Variants in CAMKMT observed in about 807,000 individuals in gnomAD.
CAMKMT encodes CaM KMT.
A neutral mutation model predicts 48.0 loss-of-function variants in CAMKMT; 53 were observed. The observed-to-expected ratio is 1.10, with a 90% CI of 0.89 to 1.39. The LOEUF is 1.39. Among genes scored for constraint, CAMKMT ranks in the 40% most tolerant of loss-of-function variants. CAMKMT has a pLI of 0.00. For missense variants in CAMKMT, 428 were observed against 402.7 expected (o/e 1.06, Z -0.54); for synonymous variants, 165 against 152.3 (o/e 1.08, Z -0.61).
chr2:44,472,299 C>T (rs1204565414), intron 3 of CAMKMT, among the ~76,000 whole-genome samples: 2 of 151,996 alleles, frequency 1.3e-5, no homozygotes, highest in Non-Finnish European at 2.9e-5. Flanking sequence ...ATTAAATGGG[C>T]AATTCTTTTT....
rs201528910 is a variant in CAMKMT at position 44,418,296 on chromosome 2, T to TA, written c.376+27998dup. Reference sequence around the variant, plus strand: ...TATTTCCTCCTTTGTGTATCCTGTTTAAAAAAATCTATGAATTTTTTTTTT... The same window carrying TA: ...TATTTCCTCCTTTGTGTATCCTGTTTAAAAAAAATCTATGAATTTTTTTTTT... On this transcript the variant is annotated intron_variant, in intron 3 of 10. Transcript: ENST00000378494. Among the ~76,000 whole-genome samples, 266 of 152,200 alleles carry TA rather than the reference T, an allele frequency of 1.7e-3. No individual in the cohort carries two copies. In the Middle Eastern group the frequency reaches 0.027, roughly 16 times the overall value.
At chr2:44,629,257 C>T (rs774200502) in intron 3 of CAMKMT, among the ~76,000 whole-genome samples, 5 of 151,920 alleles carry the variant, frequency 3.3e-5, no homozygotes, top group East Asian at 1.9e-4. Flanking sequence ...TTGACTCCTA[C>T]GTCTTTATGA....
chr2:44,385,976 A>T (rs1208912150), intron 2 of CAMKMT, among the ~76,000 whole-genome samples: 3 of 152,100 alleles, frequency 2.0e-5, no homozygotes, highest in Admixed American at 6.5e-5. Flanking sequence ...TATTAGAGTG[A>T]TGCTGGCTTC....
At chr2:44,523,642 C>G (rs1671242287) in intron 3 of CAMKMT, among the ~76,000 whole-genome samples, 1 of 151,936 alleles carries the variant, frequency 6.6e-6, no homozygotes, top group Non-Finnish European at 1.5e-5. Context: ...TGTCTGGTAA[C>G]TGAGCTAGGA....
chr2:44,646,949 G>A (rs1187886763), intron 3 of CAMKMT, among the ~76,000 whole-genome samples: 1 of 152,208 alleles, frequency 6.6e-6, no homozygotes, highest in Non-Finnish European at 1.5e-5. Context: ...GATATGAAAA[G>A]GCTATTAGGG....
Position 44,606,699 on chromosome 2 carries a change from G to C in CAMKMT, c.377-97584G>C, listed in dbSNP as rs552192829. Among the ~76,000 whole-genome samples, 3 of 152,012 alleles carry C rather than the reference G, an allele frequency of 2.0e-5. No homozygotes were observed. The East Asian group carries it at 5.8e-4, about 29-fold the overall frequency. On this transcript the variant is annotated intron_variant, in intron 3 of 10. Transcript: ENST00000378494. Reference sequence around the variant, plus strand: ...AAAGGTGAATCCCCAAACTTAAAAAGTCATCCAATTCAATGTTCTACCCTT... The same window carrying C: ...AAAGGTGAATCCCCAAACTTAAAAACTCATCCAATTCAATGTTCTACCCTT...
intron 3 of CAMKMT, among the ~76,000 whole-genome samples, chr2:44,583,745 A>C (rs536384794): frequency 7.9e-5 from 12 of 152,226 alleles, no homozygotes; most frequent in Admixed American, 5.2e-4. Context: ...GCAGTGAGCT[A>C]TGTTTGAGCC....
At position 44,692,630 on chromosome 2, in the gene CAMKMT, A is replaced by G. The variant is rs1676725476; in HGVS notation, c.377-11653A>G. Among the ~76,000 whole-genome samples, 4 of 152,168 alleles carry G rather than the reference A, an allele frequency of 2.6e-5. No homozygotes were observed. In the South Asian group the frequency reaches 8.3e-4, roughly 32 times the overall value. Reference sequence around the variant, plus strand: ...TATGTTGCATGAATAAATGAGGCTTAAAAAGTTTAAATACCTTGCCCAAGA... The same window carrying G: ...TATGTTGCATGAATAAATGAGGCTTGAAAAGTTTAAATACCTTGCCCAAGA... On this transcript the variant is annotated intron_variant, in intron 3 of 10. Transcript: ENST00000378494.
chr2:44,643,419 G>T (rs1359332288), intron 3 of CAMKMT, among the ~76,000 whole-genome samples: 1 of 152,128 alleles, frequency 6.6e-6, no homozygotes, highest in Non-Finnish European at 1.5e-5. Flanking sequence ...CAAATGAATG[G>T]AATATTGTGA....
intron 3 of CAMKMT, chr2:44,549,605 C>A: frequency 1.5e-6 from 1 of 685,094 alleles, no homozygotes; most frequent in Non-Finnish European, 2.6e-6. Context: ...GTGATCATAA[C>A]TCAGTGCAGC....
intron 3 of CAMKMT, among the ~76,000 whole-genome samples, chr2:44,642,338 T>G (rs1673492934): frequency 6.6e-6 from 1 of 152,126 alleles, no homozygotes; most frequent in Admixed American, 6.5e-5. Flanking sequence ...GCTCATCTGG[T>G]AGAAAGAAAT....
intron 3 of CAMKMT, among the ~76,000 whole-genome samples, chr2:44,594,967 AAAC>A (rs1190785947): frequency 6.6e-6 from 1 of 152,172 alleles, no homozygotes; most frequent in African/African-American, 2.4e-5. Context: ...TACAAGAAAA[AAAC>A]AACCCCATCA....
At chr2:44,702,642 C>G (rs1468419712) in intron 3 of CAMKMT, among the ~76,000 whole-genome samples, 1 of 152,184 alleles carries the variant, frequency 6.6e-6, no homozygotes. Context: ...TATCTGTGAT[C>G]TTAACTGCCA....
chr2:44,547,844 T>C (rs1667488851), intron 3 of CAMKMT, among the ~76,000 whole-genome samples: 2 of 152,304 alleles, frequency 1.3e-5, no homozygotes, highest in South Asian at 2.1e-4. Flanking sequence ...TGGTTAATTA[T>C]AATGCAAAAG....
At chr2:44,432,375 G>C (rs918659196) in intron 3 of CAMKMT, among the ~76,000 whole-genome samples, 2 of 152,100 alleles carry the variant, frequency 1.3e-5, no homozygotes, top group African/African-American at 4.8e-5. Context: ...GACCAGCCTT[G>C]GGAGCACTGA....
intron 3 of CAMKMT, among the ~76,000 whole-genome samples, chr2:44,658,891 T>A (rs1396728751): frequency 6.6e-6 from 1 of 152,078 alleles, no homozygotes; most frequent in Non-Finnish European, 1.5e-5. Context: ...TGGAGCTAAG[T>A]ACTCATGCTT....
chr2:44,517,337 G>A (rs1446434189), intron 3 of CAMKMT, among the ~76,000 whole-genome samples: 2 of 152,124 alleles, frequency 1.3e-5, no homozygotes, highest in Non-Finnish European at 2.9e-5. Flanking sequence ...TATGTTTTAT[G>A]AGCAACTTAA....
At chr2:44,556,164 A>G (rs937948126) in intron 3 of CAMKMT, among the ~76,000 whole-genome samples, 2 of 151,916 alleles carry the variant, frequency 1.3e-5, no homozygotes, top group African/African-American at 4.8e-5. Flanking sequence ...TTTGAGATGG[A>G]GTCTTGCTCT....
intron 3 of CAMKMT, among the ~76,000 whole-genome samples, chr2:44,540,383 T>C (rs924728523): frequency 3.9e-5 from 6 of 152,138 alleles, no homozygotes; most frequent in Non-Finnish European, 8.8e-5. Flanking sequence ...TCTTGTACTT[T>C]CTCTGACATA....
Sources: allele counts gnomAD v4.1 joint callset (sites outside exome capture counted in the v4.1 genomes callset), GRCh38; gene constraint gnomAD v4.1.1; transcripts MANE v1.5; gene names NCBI Gene and HGNC (gene_info 2026-07-23, HGNC 2026-07-21).